The following LIPA variants were observed in gnomAD, a reference collection of about 807,000 sequenced individuals.
LIPA encodes the protein lipase A, lysosomal acid type.
Under a neutral mutation model 40.6 loss-of-function variants are expected in LIPA, and 26 were observed. The observed-to-expected ratio is 0.64, with a 90% CI of 0.47 to 0.89. The LOEUF (loss-of-function observed/expected upper bound fraction) is 0.89, where lower values mean the gene tolerates loss of function less well. Among genes scored for constraint, LIPA ranks in the 40% least tolerant of loss-of-function variants. The pLI, the probability that LIPA is intolerant of heterozygous loss-of-function variation, is 0.00. For missense variants in LIPA, 455 were observed against 479.6 expected (o/e 0.95, Z 0.48); for synonymous variants, 188 against 168.4 (o/e 1.12, Z -0.90).
At chr10:89,320,380 C>A (rs180670622) in intron 1 of LIPA, among the ~76,000 whole-genome samples, 1 of 152,130 alleles carries the variant, frequency 6.6e-6, no homozygotes, top group Non-Finnish European at 1.5e-5. Context: ...TCTCAGGATC[C>A]AAAATCAATG....
intron 2 of LIPA, chr10:89,362,792 C>G: frequency 1.7e-6 from 1 of 577,060 alleles, no homozygotes; most frequent in Non-Finnish European, 2.8e-6. Context: ...AGGCCAAGGC[C>G]TGCTTTGAAA....
chr10:89,239,434 G>A (rs1359151778), intron 3 of LIPA, among the ~76,000 whole-genome samples: 2 of 152,242 alleles, frequency 1.3e-5, no homozygotes, highest in Non-Finnish European at 2.9e-5. Flanking sequence ...TTCACCTGAT[G>A]ATTCACACAG....
chr10:89,220,910 A>G (rs973023741), intron 8 of LIPA, among the ~76,000 whole-genome samples: 1 of 152,214 alleles, frequency 6.6e-6, no homozygotes, highest in African/African-American at 2.4e-5. Context: ...CTACTGACAT[A>G]CACAACATAG....
chr10:89,326,070 A>C (rs1843597234), intron 1 of LIPA, among the ~76,000 whole-genome samples: 1 of 152,210 alleles, frequency 6.6e-6, no homozygotes. Flanking sequence ...CATATGATCC[A>C]GTAATCCCAC....
intron 2 of LIPA, among the ~76,000 whole-genome samples, chr10:89,376,181 C>T (rs556388274): frequency 5.9e-5 from 5 of 84,316 alleles, no homozygotes. Flanking sequence ...CAGCGAGACT[C>T]TATCTTAAAA....
chr10:89,277,321 T>A (rs895057880), intron 1 of LIPA, among the ~76,000 whole-genome samples: 1 of 152,238 alleles, frequency 6.6e-6, no homozygotes, highest in Admixed American at 6.5e-5. Context: ...TTGAGTCTGC[T>A]TTCTCGTATT....
At chr10:89,368,926 T>TCACACA (rs3063812) in intron 2 of LIPA, among the ~76,000 whole-genome samples, 314 of 148,816 alleles carry the variant, frequency 2.1e-3, no homozygotes, top group African/African-American at 6.3e-3. Context: ...AACACAAAAC[T>TCACACA]CACACACACA....
At chr10:89,373,034 T>C (rs930996185) in intron 2 of LIPA, among the ~76,000 whole-genome samples, 2 of 152,092 alleles carry the variant, frequency 1.3e-5, no homozygotes, top group Non-Finnish European at 2.9e-5. Context: ...GAAATTCAGT[T>C]AGAATTGGAA....
At chr10:89,287,526 C>A (rs977620801) in intron 1 of LIPA, among the ~76,000 whole-genome samples, 1 of 152,088 alleles carries the variant, frequency 6.6e-6, no homozygotes, top group Non-Finnish European at 1.5e-5. Flanking sequence ...CATTGCCACC[C>A]TTCTTCCCAA....
At chr10:89,342,512 T>TAA (rs1843881971) in intron 1 of LIPA, 1 of 152,228 alleles carries the variant, frequency 6.6e-6, no homozygotes, top group Admixed American at 6.5e-5. Context: ...ATTCCTGGGT[T>TAA]AAAGCAAGCA....
chr10:89,408,909 G>A (rs1028916933), intron 2 of LIPA, among the ~76,000 whole-genome samples: 9 of 152,106 alleles, frequency 5.9e-5, no homozygotes, highest in African/African-American at 2.2e-4. Context: ...GATCCCCACT[G>A]GGACCTCAAC....
At chr10:89,222,649 G>A in intron 7 of LIPA, 67 bp from the exon 8 acceptor site, 1 of 1,052,606 alleles carries the variant, frequency 9.5e-7, no homozygotes, top group Admixed American at 1.7e-5. Flanking sequence ...AATAAACATT[G>A]TATTTTGCCC....
At chr10:89,264,741 C>T (rs1843226514) in intron 1 of LIPA, among the ~76,000 whole-genome samples, 1 of 152,136 alleles carries the variant, frequency 6.6e-6, no homozygotes, top group South Asian at 2.1e-4. Context: ...CATGGGTGGG[C>T]CCAGAAAAAG....
intron 1 of LIPA, among the ~76,000 whole-genome samples, chr10:89,251,103 A>G (rs1843112770): frequency 6.6e-6 from 1 of 152,222 alleles, no homozygotes; most frequent in Non-Finnish European, 1.5e-5. Context: ...AACAATTATT[A>G]CGACTCCCAT....
At chr10:89,403,124 T>C (rs1844465115) in intron 2 of LIPA, 1 of 1,614,056 alleles carries the variant, frequency 6.2e-7, no homozygotes, top group South Asian at 1.1e-5. Flanking sequence ...AAACACCCAC[T>C]TCTGTCTTAC....
At chr10:89,252,662 C>T (rs992831104), upstream of LIPA, among the ~76,000 whole-genome samples, 15 of 151,966 alleles carry the variant, frequency 9.9e-5, no homozygotes, top group African/African-American at 2.2e-4. Flanking sequence ...ACAAAATTAG[C>T]GGGTGTGGTG....
intron 2 of LIPA, chr10:89,403,502 A>G (rs751601507): frequency 1.2e-6 from 2 of 1,612,932 alleles, no homozygotes; most frequent in Non-Finnish European, 1.7e-6. Context: ...TAAAAATAGA[A>G]CAGGCATCAT....
In LIPA at chr10:89,214,103, T is replaced by C. The variant is rs1446768668; in HGVS notation, c.*725A>G. The C allele has an allele frequency of 1.3e-5, 2 of 152,270 alleles. No individual in the cohort carries two copies. Among genetic ancestry groups the C allele is most frequent in the South Asian group, 4.1e-4 (2 of 4,832 alleles). The allele number at this position is 152,270 out of a possible 1,614,324, so 9.4% of individuals were successfully genotyped here. ...GAAATTGAGAGCTCATGAATATAGA[T>C]GGTTGAGTGTATCAGTCTTCAAAGC... On this transcript the variant is annotated 3_prime_UTR_variant, in exon 10 of 10. Transcript: ENST00000336233.
chr10:89,312,256 C>T lies in LIPA; in HGVS notation c.-2+30355G>A, dbSNP rs369721324. On this transcript the variant is annotated intron_variant, in intron 1 of 5. Transcript: ENST00000282673. ...AGGAGTTCGAGACCAGCCTGGACAG[C>T]ATGGTGAAACCCTATCTCTACAAAA... Among the ~76,000 whole-genome samples the T allele has an allele frequency of 3.3e-5, 5 of 152,150 alleles. No homozygotes were observed. The East Asian group carries it at 9.7e-4, about 29-fold the overall frequency.
Sources: gnomAD v4.1 joint callset for allele counts (sites outside exome capture counted in the v4.1 genomes callset) on GRCh38, gnomAD v4.1.1 for gene constraint, MANE v1.5 for transcripts, NCBI Gene and HGNC (gene_info 2026-07-23, HGNC 2026-07-21) for gene names.